Variants in TMEM151B observed in about 807,000 individuals in gnomAD.
TMEM151B encodes the protein transmembrane protein 151B.
A neutral mutation model predicts 33.0 loss-of-function variants in TMEM151B; 18 were observed. The ratio of observed to expected loss-of-function variants is 0.55; its 90% CI spans 0.38 to 0.81. The LOEUF is 0.81. Ranked by LOEUF, TMEM151B falls within the 30% of genes least tolerant of loss-of-function variation. The pLI is 0.00. For synonymous variants in TMEM151B, 354 were observed against 373.6 expected (o/e 0.95, Z 0.61); for missense variants, 672 against 843.4 (o/e 0.80, Z 2.52).
intron 2 of TMEM151B, among the ~76,000 whole-genome samples, chr6:44,274,018 A>G (rs1256785386): frequency 1.3e-5 from 2 of 152,048 alleles, no homozygotes; most frequent in Non-Finnish European, 2.9e-5. Flanking sequence ...AGACCAGCCC[A>G]CCCGGCAGCA....
chr6:44,275,273 C>T, intron 2 of TMEM151B, 130 bp from the exon 3 acceptor site: 1 of 1,424,224 alleles, frequency 7.0e-7, no homozygotes, highest in South Asian at 1.5e-5. Flanking sequence ...CAGCCGGCAC[C>T]TAAACCAAGA....
Position 44,270,713 on chromosome 6 carries a change from G to T in TMEM151B, c.-30G>T. ...CCGGCCCCTGGCAGCCCCCCGGGAG[G>T]TCCTGAGCTCGACGCGCCCCCTCTA... On this transcript the variant is annotated 5_prime_UTR_variant, in exon 1 of 3. Transcript: ENST00000451188. 1 of 975,318 alleles carries T rather than the reference G, an allele frequency of 1.0e-6. No homozygotes were observed. Among genetic ancestry groups the T allele is most frequent in the Non-Finnish European group, 1.3e-6 (1 of 784,946 alleles). The allele number at this position is 975,318 out of a possible 1,614,324, so 60.4% of individuals were successfully genotyped here.
rs184349006 is a variant in TMEM151B at position 44,272,973 on chromosome 6, C to T, written c.136-93C>T. On this transcript the variant is annotated intron_variant, in intron 1 of 2. Transcript: ENST00000451188. ...TGCCTGTTATCTCTGGTGCTGGCCT[C>T]TGCCCCTCCATCCCCGTATCCATCT... 4.2e-4 allele frequency: 466 copies of T among 1,105,834 alleles called. 3 individuals carry two copies. In the East Asian group the frequency reaches 7.6e-3, roughly 18 times the overall value. The allele number at this position is 1,105,834 out of a possible 1,614,324, so 68.5% of individuals were successfully genotyped here.
chr6:44,271,950 G>A (rs1782377655), intron 1 of TMEM151B, among the ~76,000 whole-genome samples: 1 of 151,596 alleles, frequency 6.6e-6, no homozygotes, highest in Non-Finnish European at 1.5e-5. Flanking sequence ...CAGAGGAGGG[G>A]TGGGAAAACA....
chr6:44,272,520 CCTAGGA>C (rs1428625417), intron 1 of TMEM151B, among the ~76,000 whole-genome samples: 1 of 152,030 alleles, frequency 6.6e-6, no homozygotes, highest in Non-Finnish European at 1.5e-5. Context: ...TCCTCTAGAA[CCTAGGA>C]CTGAAAAAAA....
At position 44,277,958 on chromosome 6, in the gene TMEM151B, T is replaced by C. The variant is rs1782657528; in HGVS notation, c.*1431T>C. On this transcript the variant is annotated 3_prime_UTR_variant, in exon 3 of 3. Transcript: ENST00000451188. Reference sequence around the variant, plus strand: ...CCCTGGCTAAAGTCTCCCCAGCAGATTTAGCACCCAGGGATTGAGCTCACA... The same window carrying C: ...CCCTGGCTAAAGTCTCCCCAGCAGACTTAGCACCCAGGGATTGAGCTCACA... 3 of 152,778 alleles carry C rather than the reference T, an allele frequency of 2.0e-5. No individual in the cohort carries two copies. 9.5% of individuals were successfully genotyped at this position (152,778 alleles called of 1,614,324 possible).
rs925960311 is a variant in TMEM151B, at chr6:44,278,703, C to T, written c.*2176C>T. ...TCGTCTCAGACAGCCTCATCTCCCA[C>T]ACATGCACAGACTTAGAGAGAAACC... On this transcript the variant is annotated 3_prime_UTR_variant, in exon 3 of 3. Coordinates refer to ENST00000451188, the MANE Select transcript of TMEM151B (RefSeq NM_001137560.2). The T allele has an allele frequency of 6.6e-6, 1 of 152,236 alleles. No individual in the cohort carries two copies. Among genetic ancestry groups the T allele is most frequent in the African/African-American group, 2.4e-5 (1 of 41,462 alleles). The allele number at this position is 152,236 out of a possible 1,614,324, so 9.4% of individuals were successfully genotyped here.
chr6:44,276,671 C>T lies in TMEM151B; in HGVS notation c.*144C>T, dbSNP rs1782604425. On this transcript the variant is annotated 3_prime_UTR_variant, in exon 3 of 3. Coordinates refer to ENST00000451188, the MANE Select transcript of TMEM151B (RefSeq NM_001137560.2). ...GGAGGTGAGGGCCGCAAGACAGGCC[C>T]GGATGGGGCCGAGACCCCCGCTGTC... The T allele has an allele frequency of 4.7e-6, 6 of 1,268,204 alleles. No homozygotes were observed. In the South Asian group the frequency reaches 1.4e-4, roughly 30 times the overall value. 78.6% of individuals were successfully genotyped at this position (1,268,204 alleles called of 1,614,324 possible).
Position 44,278,531 on chromosome 6 carries a change from G to GAC in TMEM151B, c.*2006_*2007dup, listed in dbSNP as rs1199940012. The GAC allele has an allele frequency of 6.6e-6, 1 of 152,224 alleles. No individual in the cohort carries two copies. Among genetic ancestry groups the GAC allele is most frequent in the Non-Finnish European group, 1.5e-5 (1 of 68,076 alleles). The allele number at this position is 152,224 out of a possible 1,614,324, so 9.4% of individuals were successfully genotyped here. The stretch of plus-strand genomic sequence containing the variant: ...ACCTGGATGTCATGCTTTGTGTGGG[G>GAC]ACAGCCTGGCCACCTCAGGGCTCCA... On this transcript the variant is annotated 3_prime_UTR_variant, in exon 3 of 3. Coordinates refer to ENST00000451188, the MANE Select transcript of TMEM151B (RefSeq NM_001137560.2).
At position 44,276,608 on chromosome 6, in the gene TMEM151B, C is replaced by T. The variant is rs1782601043; in HGVS notation, c.*81C>T. 1.5e-6 allele frequency: 2 copies of T among 1,294,372 alleles called. No homozygotes were observed. Among genetic ancestry groups the T allele is most frequent in the African/African-American group, 3.1e-5 (2 of 64,760 alleles). The allele number at this position is 1,294,372 out of a possible 1,614,324, so 80.2% of individuals were successfully genotyped here. On this transcript the variant is annotated 3_prime_UTR_variant, in exon 3 of 3. Coordinates refer to ENST00000451188, the MANE Select transcript of TMEM151B (RefSeq NM_001137560.2). Reference sequence around the variant, plus strand: ...GCTCCCTCTGCGACGCAGGGCGAGTCACCACGGTGACTGAGGCCGCGCGGG... The same window carrying T: ...GCTCCCTCTGCGACGCAGGGCGAGTTACCACGGTGACTGAGGCCGCGCGGG...
chr6:44,271,908 G>GTGTGTGTGTGTGT (rs779928015), intron 1 of TMEM151B, among the ~76,000 whole-genome samples: 1 of 143,448 alleles, frequency 7.0e-6, no homozygotes, highest in African/African-American at 2.6e-5. Flanking sequence ...GTGTGTGTGT[G>GTGTGTGTGTGTGT]GTGGGGGATG....
chr6:44,273,757 A>G (rs768100635), intron 2 of TMEM151B, among the ~76,000 whole-genome samples: 5 of 152,208 alleles, frequency 3.3e-5, no homozygotes, highest in Non-Finnish European at 7.3e-5. Context: ...TAACAACCCT[A>G]TGATGTAGGC....
chr6:44,270,974 C>T, intron 1 of TMEM151B, 97 bp downstream of exon 1: 23 of 861,872 alleles, frequency 2.7e-5, no homozygotes, highest in Non-Finnish European at 3.2e-5. Flanking sequence ...GCAGCGCGGC[C>T]GGCGCCCCGC....
At position 44,273,541 on chromosome 6, in the gene TMEM151B, A is replaced by T. The variant is rs1463348839; in HGVS notation, c.576+35A>T. Reference sequence around the variant, plus strand: ...TGGTGGGGAGTGCAGGACATTCAACATGGGAGGTGGCACTTACGTGCTGCC... The same window carrying T: ...TGGTGGGGAGTGCAGGACATTCAACTTGGGAGGTGGCACTTACGTGCTGCC... On this transcript the variant is annotated intron_variant, in intron 2 of 2. Transcript: ENST00000451188. The T allele has an allele frequency of 6.0e-6, 9 of 1,502,406 alleles. No individual in the cohort carries two copies. In the East Asian group the frequency reaches 2.2e-4, roughly 37 times the overall value. 93.1% of individuals were successfully genotyped at this position (1,502,406 alleles called of 1,614,324 possible).
intron 1 of TMEM151B, among the ~76,000 whole-genome samples, chr6:44,271,602 C>T (rs1469502772): frequency 1.3e-5 from 2 of 152,074 alleles, no homozygotes; most frequent in African/African-American, 2.4e-5. Flanking sequence ...CAGAGGTACC[C>T]ACATGGGGAC....
Position 44,275,423 on chromosome 6 carries a change from C to T in TMEM151B, c.597C>T (p.Asn199=). Residue 199 remains asparagine, a synonymous_variant, in exon 3 of 3, where the codon AAC becomes AAT. Transcript: ENST00000451188. ...TTTQVYHERV[N]THVAEAEFDY... ...CGCAGGTCTACCACGAACGCGTCAA[C>T]ACGCACGTGGCGGAGGCTGAGTTCG... 1 of 1,531,668 alleles carries T rather than the reference C, an allele frequency of 6.5e-7. No homozygotes were observed. Among genetic ancestry groups the T allele is most frequent in the Non-Finnish European group, 8.8e-7 (1 of 1,133,824 alleles). 94.9% of individuals were successfully genotyped at this position (1,531,668 alleles called of 1,614,324 possible). A position where few individuals can be genotyped will look rare whatever the true frequency, so the allele number is the denominator to read the frequency against.
In TMEM151B at chr6:44,278,303, G is replaced by A. The variant is rs1782671115; in HGVS notation, c.*1776G>A. Reference sequence around the variant, plus strand: ...AGGGAGAAGAGGCTAGAGAGAGGGAGGCTTGGGCAGGGGAAACAGCTGCCC... The same window carrying A: ...AGGGAGAAGAGGCTAGAGAGAGGGAAGCTTGGGCAGGGGAAACAGCTGCCC... On this transcript the variant is annotated 3_prime_UTR_variant, in exon 3 of 3. Coordinates refer to ENST00000451188, the MANE Select transcript of TMEM151B (RefSeq NM_001137560.2). 1 of 155,016 alleles carries A rather than the reference G, an allele frequency of 6.5e-6. No individual in the cohort carries two copies. The allele number at this position is 155,016 out of a possible 1,614,324, so 9.6% of individuals were successfully genotyped here.
chr6:44,276,387 G>A lies in TMEM151B; in HGVS notation c.1561G>A (p.Glu521Lys), dbSNP rs1378926422. Reference protein sequence around the residue: ...ASMGDDEDDDEEEAGPPPPYH... With the variant: ...ASMGDDEDDDKEEAGPPPPYH... ...CATGGGGGACGACGAGGACGACGACGAGGAGGAGGCCGGGCCGCCGCCGCC... is the reference window on the plus strand; with the variant it reads ...CATGGGGGACGACGAGGACGACGACAAGGAGGAGGCCGGGCCGCCGCCGCC... The change falls in exon 3 of 3, where the codon GAG becomes AAG. Residue 521 changes from glutamate (E) to lysine (K), a missense_variant. Around this residue, in one of 3 missense-constraint regions of TMEM151B, gnomAD observed 324 missense variants for 363.1 expected, o/e 0.89. Transcript: ENST00000451188. 2.0e-6 allele frequency: 3 copies of A among 1,515,458 alleles called. No homozygotes were observed. The highest frequency in any genetic ancestry group is 1.2e-5 in the South Asian group (1 of 81,690). 93.9% of individuals were successfully genotyped at this position (1,515,458 alleles called of 1,614,324 possible).
intron 2 of TMEM151B, among the ~76,000 whole-genome samples, chr6:44,275,117 C>CAAAAAAAAAAAA (rs55699643): frequency 1.8e-5 from 2 of 111,798 alleles, no homozygotes; most frequent in African/African-American, 7.0e-5. Flanking sequence ...GACTCCATCT[C>CAAAAAAAAAAAA]AAAAAAAAAA....
Sources: gnomAD v4.1 joint callset for allele counts (sites outside exome capture counted in the v4.1 genomes callset) on GRCh38, gnomAD v4.1.1 for gene constraint, gnomAD v4.1.1 regional missense constraint, MANE v1.5 for transcripts, NCBI Gene and HGNC (gene_info 2026-07-23, HGNC 2026-07-21) for gene names.